The following HDAC4 variants were observed in gnomAD, a reference collection of about 807,000 sequenced individuals.
The protein encoded by HDAC4 is histone deacetylase A.
Under a neutral mutation model 135.1 loss-of-function variants are expected in HDAC4, and 16 were observed. The ratio of observed to expected loss-of-function variants is 0.12; its 90% CI spans 0.08 to 0.18. HDAC4 has a LOEUF of 0.18. Ranked by LOEUF, HDAC4 falls within the 10% of genes least tolerant of loss-of-function variation. HDAC4 has a pLI of 1.00. For missense variants in HDAC4, 1,143 were observed against 1,511.8 expected, an observed-to-expected ratio of 0.76 and a Z score of 4.05; for synonymous variants, 685 against 653.4, an observed-to-expected ratio of 1.05 and a Z score of -0.74.
Position 239,255,499 on chromosome 2 carries a change from T to A in HDAC4, c.23-18835A>T, listed in dbSNP as rs1030306358. ...TTCTCTTTGAGAGACCGTCATTTTT[T>A]CTTTGCTCTGAGTCCTTTGTCTTTA... On this transcript the variant is annotated intron_variant, in intron 2 of 26. Coordinates refer to ENST00000543185, the MANE Select transcript of HDAC4 (RefSeq NM_001378414.1). Among the ~76,000 whole-genome samples the A allele has an allele frequency of 2.2e-4, 33 of 152,232 alleles. 1 individual carries two copies. The highest frequency in any genetic ancestry group is 1.7e-3 in the East Asian group (9 of 5,194).
At position 239,365,923 on chromosome 2, in the gene HDAC4, G is replaced by C. The variant is rs1289995323; in HGVS notation, c.-219-13005C>G. 2.0e-5 allele frequency among the ~76,000 whole-genome samples: 3 copies of C among 151,680 alleles called. No individual in the cohort carries two copies. The East Asian group carries it at 5.8e-4, about 30-fold the overall frequency. On this transcript the variant is annotated intron_variant, in intron 1 of 26. Coordinates refer to ENST00000543185, the MANE Select transcript of HDAC4 (RefSeq NM_001378414.1). ...TGCAGGCACAGACCAGGGTCGTCAG[G>C]GTCACGCGTGTGGCACTATGTGACA...
In HDAC4 at chr2:239,135,756, G is replaced by A. The variant is rs118158546; in HGVS notation, c.979-1113C>T. On this transcript the variant is annotated intron_variant, in intron 9 of 26. Transcript: ENST00000543185. The stretch of plus-strand genomic sequence containing the variant: ...CATGGCAGAGCTATGCGGCTTCCCC[G>A]ACACCTTGGTGTTAACAGAACGGAG... 2.2e-4 allele frequency among the ~76,000 whole-genome samples: 34 copies of A among 152,336 alleles called. 2 individuals are homozygous for A. In the East Asian group the frequency reaches 5.2e-3, roughly 23 times the overall value.
At chr2:239,219,837 T>A (rs1272539443) in intron 3 of HDAC4, among the ~76,000 whole-genome samples, 1 of 152,154 alleles carries the variant, frequency 6.6e-6, no homozygotes, top group Non-Finnish European at 1.5e-5. Flanking sequence ...GACGGAACTG[T>A]CTGAGGCACA....
chr2:239,300,793 C>A (rs1215931541), intron 2 of HDAC4, among the ~76,000 whole-genome samples: 1 of 152,262 alleles, frequency 6.6e-6, no homozygotes, highest in African/African-American at 2.4e-5. Flanking sequence ...TCTTTATCCT[C>A]TTCCATAATT....
intron 7 of HDAC4, among the ~76,000 whole-genome samples, chr2:239,147,181 G>A (rs980107256): frequency 2.8e-4 from 43 of 152,200 alleles, no homozygotes; most frequent in African/African-American, 1.0e-3. Context: ...GAGACCACCC[G>A]GGGCACATGA....
intron 2 of HDAC4, among the ~76,000 whole-genome samples, chr2:239,267,541 T>C (rs1404149022): frequency 2.6e-5 from 4 of 152,234 alleles, no homozygotes; most frequent in Admixed American, 6.5e-5. Flanking sequence ...GGCACAGCTA[T>C]AGAGAGTTGT....
intron 3 of HDAC4, among the ~76,000 whole-genome samples, chr2:239,228,638 T>C (rs748735608): frequency 3.9e-4 from 59 of 151,960 alleles, no homozygotes; most frequent in Non-Finnish European, 6.6e-4. Context: ...TAGGGGCGGA[T>C]AGGGATGAGA....
chr2:239,327,130 C>T (rs1204442252), intron 2 of HDAC4, among the ~76,000 whole-genome samples: 1 of 152,242 alleles, frequency 6.6e-6, no homozygotes, highest in Non-Finnish European at 1.5e-5. Flanking sequence ...CCAAGGAAGC[C>T]ACAAGAGCCT....
chr2:239,382,564 C>T (rs764011325), intron 1 of HDAC4, among the ~76,000 whole-genome samples: 6 of 152,340 alleles, frequency 3.9e-5, no homozygotes, highest in Non-Finnish European at 7.3e-5. Context: ...GACTGAACCC[C>T]GGAGCCACAG....
At chr2:239,165,035 C>A (rs568636703) in intron 5 of HDAC4, among the ~76,000 whole-genome samples, 5 of 152,230 alleles carry the variant, frequency 3.3e-5, no homozygotes, top group Admixed American at 3.3e-4. Context: ...CCAGCCTGGA[C>A]AACATGATGA....
chr2:239,227,147 C>G (rs2047289500), intron 3 of HDAC4, among the ~76,000 whole-genome samples: 1 of 152,212 alleles, frequency 6.6e-6, no homozygotes, highest in Non-Finnish European at 1.5e-5. Flanking sequence ...CTCCGGGGCA[C>G]AGGGGCTGGT....
rs145965238 is a variant in HDAC4 at position 239,169,366 on chromosome 2, C to A, written c.491-5443G>T. 3.9e-3 allele frequency among the ~76,000 whole-genome samples: 592 copies of A among 152,358 alleles called. 3 individuals carry two copies. The highest frequency in any genetic ancestry group is 0.014 in the African/African-American group (562 of 41,586). On this transcript the variant is annotated intron_variant, in intron 5 of 26. Coordinates refer to ENST00000543185, the MANE Select transcript of HDAC4 (RefSeq NM_001378414.1). ...CGCGATGTGGGTCCCACGCACGCCT[C>A]CTGCACTGCAGCGTCACCAGCACAG...
chr2:239,111,698 C>T lies in HDAC4; in HGVS notation c.1806G>A (p.Leu602=), dbSNP rs2152799820. The change falls in exon 14 of 27, where the codon CTG becomes CTA. Residue 602 remains leucine, a synonymous_variant. Coordinates refer to ENST00000543185, the MANE Select transcript of HDAC4 (RefSeq NM_001378414.1). ...TCAGCTGGTGGATCCGCTGCTGCTC[C>T]AGCAGGAGGGCTTGCTGCGGGGAAG... ...ELLFRQQALL[L]EQQRIHQLRN... is the part of the protein sequence containing the mutation. 6.3e-7 allele frequency: 1 copy of T among 1,599,750 alleles called. No individual in the cohort carries two copies. Among genetic ancestry groups the T allele is most frequent in the East Asian group, 2.3e-5 (1 of 44,038 alleles).
chr2:239,150,765 G>A (rs2042071231), intron 7 of HDAC4, among the ~76,000 whole-genome samples: 1 of 143,936 alleles, frequency 6.9e-6, no homozygotes, highest in Non-Finnish European at 1.5e-5. Flanking sequence ...TTCACATACA[G>A]CAGCAGGAAG....
At chr2:239,226,190 A>G (rs1424703394) in intron 3 of HDAC4, among the ~76,000 whole-genome samples, 1 of 152,206 alleles carries the variant, frequency 6.6e-6, no homozygotes, top group African/African-American at 2.4e-5. Flanking sequence ...AAGCCCTTTA[A>G]CCAGAAATGA....
chr2:239,085,383 C>A (rs1339897935), intron 19 of HDAC4, among the ~76,000 whole-genome samples: 5 of 152,216 alleles, frequency 3.3e-5, no homozygotes, highest in Admixed American at 2.0e-4. Flanking sequence ...AACGGAGAAA[C>A]ACTAGTTGTT....
intron 2 of HDAC4, among the ~76,000 whole-genome samples, chr2:239,263,749 G>A (rs577782744): frequency 2.0e-4 from 31 of 152,322 alleles, no homozygotes; most frequent in African/African-American, 7.0e-4. Flanking sequence ...CGGGGGCACC[G>A]ACGGGGGGAC....
intron 6 of HDAC4, chr2:239,162,194 G>A (rs1470924357): frequency 2.2e-6 from 1 of 456,732 alleles, no homozygotes; most frequent in Admixed American, 2.3e-5. Context: ...TTCAGAAAGG[G>A]CTGCCCGTGC....
chr2:239,359,510 C>A (rs1230856752), intron 1 of HDAC4, among the ~76,000 whole-genome samples: 1 of 152,172 alleles, frequency 6.6e-6, no homozygotes, highest in Non-Finnish European at 1.5e-5. Context: ...GACAGAGGAC[C>A]TGGGGTCGGG....
Sources: allele counts gnomAD v4.1 joint callset (sites outside exome capture counted in the v4.1 genomes callset), GRCh38; gene constraint gnomAD v4.1.1; transcripts MANE v1.5; gene names NCBI Gene and HGNC (gene_info 2026-07-23, HGNC 2026-07-21).